Variants in FCHO1 observed in about 807,000 individuals in gnomAD.
FCHO1 encodes the protein FCH and mu domain containing endocytic adaptor 1.
A neutral mutation model predicts 114.4 loss-of-function variants in FCHO1; 45 were observed. The observed-to-expected ratio is 0.39, with a 90% CI of 0.31 to 0.50. The LOEUF (loss-of-function observed/expected upper bound fraction) is 0.50. FCHO1 is among the 20% of genes least tolerant of loss of function. FCHO1 has a pLI of 0.77. For synonymous variants in FCHO1, 480 were observed against 488.9 expected (o/e 0.98, Z 0.24); for missense variants, 1,042 against 1,209.6 (o/e 0.86, Z 2.06).
chr19:17,748,470 A>G (rs537929945), upstream of FCHO1, among the ~76,000 whole-genome samples: 1 of 144,788 alleles, frequency 6.9e-6, no homozygotes, highest in East Asian at 2.0e-4. Flanking sequence ...GGCACGGTTT[A>G]TCCAGGCCAG....
At chr19:17,771,464 C>G (rs1440155187) in intron 9 of FCHO1, among the ~76,000 whole-genome samples, 2 of 150,986 alleles carry the variant, frequency 1.3e-5, no homozygotes, top group Admixed American at 1.3e-4. Flanking sequence ...GTCAGGAGAT[C>G]GAGACTATCC....
upstream of FCHO1, among the ~76,000 whole-genome samples, chr19:17,750,613 C>T (rs562166544): frequency 2.6e-5 from 4 of 151,708 alleles, no homozygotes; most frequent in East Asian, 7.8e-4. Context: ...CATATGCCAC[C>T]CCACCCAGCT....
At chr19:17,767,539 C>A (rs1410203895) in intron 7 of FCHO1, among the ~76,000 whole-genome samples, 7 of 127,764 alleles carry the variant, frequency 5.5e-5, no homozygotes, top group Non-Finnish European at 1.1e-4. Flanking sequence ...TGCACTCCAG[C>A]CTAGGCAACA....
At chr19:17,771,397 G>A (rs865850792) in intron 9 of FCHO1, among the ~76,000 whole-genome samples, 2 of 150,832 alleles carry the variant, frequency 1.3e-5, no homozygotes, top group South Asian at 4.2e-4. Context: ...GGCTGGGCGC[G>A]GTGGCTCATG....
chr19:17,757,913 C>G (rs931700743), intron 4 of FCHO1, among the ~76,000 whole-genome samples: 2 of 107,138 alleles, frequency 1.9e-5, no homozygotes, highest in Non-Finnish European at 3.9e-5. Flanking sequence ...AAGACCCTGT[C>G]TCAAAAAAAA....
chr19:17,787,841 C>G lies in FCHO1; in HGVS notation c.2642C>G (p.Ala881Gly), dbSNP rs201616134. 1.2e-6 allele frequency: 2 copies of G among 1,612,834 alleles called. No homozygotes were observed. Among genetic ancestry groups the G allele is most frequent in the African/African-American group, 1.3e-5 (1 of 75,042 alleles). The change falls in exon 28 of 29, where the codon GCC becomes GGC. Residue 881 changes from alanine (A) to glycine (G), a missense_variant. Physicochemically the swap from Ala to Gly is moderately conservative, Grantham distance 60. This residue lies in a region of FCHO1 where 137 missense variants were observed against 190.0 expected (regional missense o/e 0.72). Coordinates refer to ENST00000596536, the MANE Select transcript of FCHO1 (RefSeq NM_015122.3). Reference protein sequence around the residue: ...YRMSLVKRRFATGMYLVSC With the variant: ...YRMSLVKRRFGTGMYLVSC ...ATGTCGCTGGTGAAGAGGAGGTTTG[C>G]CACAGGTACTCCCCAACCCTGCTGC...
Position 17,784,981 on chromosome 19 carries a change from C to T in FCHO1, c.2426+57C>T. On this transcript the variant is annotated intron_variant, in intron 26 of 28. Coordinates refer to ENST00000596536, the MANE Select transcript of FCHO1 (RefSeq NM_015122.3). The surrounding 1 kb of genome is among the most constrained non-coding windows in gnomAD (Gnocchi z 5.3). ...AGCAGTTTCCCCCATAACCCCAGAC[C>T]TTCTCCCTGATGCATTGATTAAAGG... 6.4e-7 allele frequency: 1 copy of T among 1,552,668 alleles called. No individual in the cohort carries two copies. The highest frequency in any genetic ancestry group is 8.8e-7 in the Non-Finnish European group (1 of 1,139,664).
Position 17,784,050 on chromosome 19 carries a change from G to A in FCHO1, c.2094-53G>A. The stretch of plus-strand genomic sequence containing the variant: ...GGAAGGGGTAGATTGAATGCTGGGA[G>A]CCCTGGGAGGGCATGTCCCGAGGAT... On this transcript the variant is annotated intron_variant, in intron 24 of 28. Coordinates refer to ENST00000596536, the MANE Select transcript of FCHO1 (RefSeq NM_015122.3). This position sits in a 1 kb window ranked among gnomAD's most constrained non-coding sequence, Gnocchi z 5.3. 6.3e-7 allele frequency: 1 copy of A among 1,578,978 alleles called. No homozygotes were observed. Among genetic ancestry groups the A allele is most frequent in the Non-Finnish European group, 8.6e-7 (1 of 1,156,076 alleles).
chr19:17,758,072 G>C (rs1353828366), intron 4 of FCHO1, among the ~76,000 whole-genome samples: 1 of 151,962 alleles, frequency 6.6e-6, no homozygotes, highest in South Asian at 2.1e-4. Context: ...AAAATTAGCC[G>C]GGTATGGTGG....
chr19:17,788,033 C>A (rs1355378466), intron 28 of FCHO1, among the ~76,000 whole-genome samples, 187 bp downstream of exon 28: 1 of 152,042 alleles, frequency 6.6e-6, no homozygotes, highest in Non-Finnish European at 1.5e-5. Flanking sequence ...TGGGGCTGGC[C>A]CTTGGAGGAC....
rs149471035 is a variant in FCHO1, at chr19:17,775,541, G to C, written c.1003+28G>C. ...ATCCTTCTGGCACCCCCTGGGGGCA[G>C]TTGTTGGCACAGCAAGGACAAAATT... On this transcript the variant is annotated intron_variant, in intron 15 of 28. Transcript: ENST00000596536. The surrounding 1 kb of genome is among the most constrained non-coding windows in gnomAD (Gnocchi z 5.1). The C allele has an allele frequency of 9.9e-6, 16 of 1,608,546 alleles. No individual in the cohort carries two copies. The East Asian group carries it at 1.1e-4, about 11-fold the overall frequency.
chr19:17,772,358 C>A, intron 9 of FCHO1, 99 bp from the exon 10 acceptor site: 2 of 873,476 alleles, frequency 2.3e-6, no homozygotes, highest in South Asian at 1.4e-5. Context: ...AATCACTGAG[C>A]CAAGGGCTTA....
rs2087833855 is a variant in FCHO1 at position 17,764,381 on chromosome 19, C to G, written c.126C>G (p.Thr42=). 6.2e-7 allele frequency: 1 copy of G among 1,613,716 alleles called. No homozygotes were observed. The change falls in exon 6 of 29, where the codon ACC becomes ACG. Residue 42 remains threonine (T), a synonymous_variant. Transcript: ENST00000596536. ...ELADFIRERA[T]IEETYSKAMA... is the part of the protein sequence containing the mutation. ...ACCTCATTCTCCTCCCCAGGGCCAC[C>G]ATCGAGGAGACCTACTCGAAGGCGA...
intron 5 of FCHO1, among the ~76,000 whole-genome samples, chr19:17,763,717 C>T (rs1372428251): frequency 6.6e-6 from 1 of 151,764 alleles, no homozygotes; most frequent in Non-Finnish European, 1.5e-5. Flanking sequence ...ACCACCACAC[C>T]TATCTAAGTT....
In FCHO1 at chr19:17,783,063, G is replaced by C; in HGVS notation, c.1984G>C (p.Gly662Arg). 2.5e-6 allele frequency: 4 copies of C among 1,614,120 alleles called. 1 individual carries two copies. In the South Asian group the frequency reaches 4.4e-5, roughly 18 times the overall value. The change falls in exon 24 of 29, where the codon GGC becomes CGC. Residue 662 changes from glycine (G) to arginine (R), a missense_variant. Physicochemically the swap from Gly to Arg is moderately radical, Grantham distance 125. Around this residue, in one of 3 missense-constraint regions of FCHO1, gnomAD observed 455 missense variants for 455.4 expected, o/e 1.00. Coordinates refer to ENST00000596536, the MANE Select transcript of FCHO1 (RefSeq NM_015122.3). The part of the protein sequence containing the change: ...TGELTMTFPA[G>R]IVRVFSGTPP... ...GGAGCTGACCATGACCTTCCCTGCTGGCATCGTGCGTGTGTTCAGCGGGAC... is the reference window on the plus strand; with the variant it reads ...GGAGCTGACCATGACCTTCCCTGCTCGCATCGTGCGTGTGTTCAGCGGGAC...
rs567043806 is a variant in FCHO1, at chr19:17,754,912, C to T, written c.-47-206C>T. 4.2e-5 allele frequency: 22 copies of T among 519,120 alleles called. No homozygotes were observed. In the East Asian group the frequency reaches 7.1e-4, roughly 17 times the overall value. 32.2% of individuals were successfully genotyped at this position (519,120 alleles called of 1,614,324 possible). ...TCTGACTCTGTGGAATTGGGGGCAT[C>T]TGTGTCTTGTTCTGTCCCCCTCTAC... is the stretch of plus-strand genomic sequence containing the variant. On this transcript the variant is annotated intron_variant, in intron 3 of 28. Coordinates refer to ENST00000596536, the MANE Select transcript of FCHO1 (RefSeq NM_015122.3).
At chr19:17,749,878 C>T (rs528929662), upstream of FCHO1, among the ~76,000 whole-genome samples, 1 of 152,244 alleles carries the variant, frequency 6.6e-6, no homozygotes, top group South Asian at 2.1e-4. Context: ...TGCTACTGGC[C>T]CTACTGTACA....
intron 4 of FCHO1, among the ~76,000 whole-genome samples, chr19:17,761,162 A>G (rs1056526849): frequency 2.6e-5 from 4 of 152,132 alleles, no homozygotes; most frequent in African/African-American, 4.8e-5. Context: ...TATTTATTCA[A>G]CGAACTCAAA....
At chr19:17,756,712 T>G (rs1264472654) in intron 4 of FCHO1, among the ~76,000 whole-genome samples, 1 of 152,102 alleles carries the variant, frequency 6.6e-6, no homozygotes, top group African/African-American at 2.4e-5. Context: ...ACATCTGTCA[T>G]CAGTTGCTAG....
Sources: allele counts gnomAD v4.1 joint callset (sites outside exome capture counted in the v4.1 genomes callset), GRCh38; gene constraint gnomAD v4.1.1; regional missense constraint gnomAD v4.1.1; non-coding constraint Gnocchi (gnomAD v3.1); transcripts MANE v1.5; gene names NCBI Gene and HGNC (gene_info 2026-07-23, HGNC 2026-07-21).